The following DSCC1 variants were observed in gnomAD, a reference collection of about 807,000 sequenced individuals.
DSCC1 encodes DNA replication and sister chromatid cohesion 1.
DSCC1 carries 32 observed loss-of-function variants against 48.2 expected under a neutral mutation model. The observed-to-expected ratio is 0.66, with a 90% confidence interval of 0.50 to 0.89. DSCC1 has a LOEUF of 0.89. Ranked by LOEUF, DSCC1 falls within the 40% of genes least tolerant of loss-of-function variation. DSCC1 has a pLI of 0.00. For missense variants in DSCC1, 421 were observed against 471.7 expected (o/e 0.89, Z 1.00); for synonymous variants, 150 against 171.5 (o/e 0.87, Z 0.98).
At chr8:119,853,483 C>T (rs1826971426) in intron 1 of DSCC1, among the ~76,000 whole-genome samples, 1 of 152,228 alleles carries the variant, frequency 6.6e-6, no homozygotes, top group African/African-American at 2.4e-5. Flanking sequence ...CCAAATGGCA[C>T]TACATGGCAT....
chr8:119,855,497 T>A (rs1827003376), intron 1 of DSCC1, 117 bp downstream of exon 1: 2 of 1,366,402 alleles, frequency 1.5e-6, no homozygotes, highest in East Asian at 5.7e-5. Context: ...CAGCTTGCTA[T>A]GAGCCCCCGG....
At chr8:119,854,133 C>A (rs1277783433) in intron 1 of DSCC1, among the ~76,000 whole-genome samples, 2 of 152,086 alleles carry the variant, frequency 1.3e-5, no homozygotes, top group African/African-American at 4.8e-5. Context: ...GATCGCCTGA[C>A]CCCAAGTAGT....
chr8:119,845,405 T>C (rs1826841715), intron 4 of DSCC1, among the ~76,000 whole-genome samples: 1 of 152,092 alleles, frequency 6.6e-6, no homozygotes, highest in African/African-American at 2.4e-5. Flanking sequence ...ATTTTATAAT[T>C]GATGGCACGA....
At chr8:119,846,210 T>C (rs779925974) in intron 4 of DSCC1, among the ~76,000 whole-genome samples, 19 of 151,838 alleles carry the variant, frequency 1.3e-4, no homozygotes, top group Non-Finnish European at 2.6e-4. Context: ...GCCTTCCAGT[T>C]TCAAGGGATT....
At chr8:119,852,930 A>G in intron 2 of DSCC1, 117 bp downstream of exon 2, 2 of 914,206 alleles carry the variant, frequency 2.2e-6, no homozygotes, top group Non-Finnish European at 3.0e-6. Context: ...TCTTTAAAGA[A>G]CTTCTTAGAT....
Position 119,850,405 on chromosome 8 carries a change from C to G in DSCC1, c.463G>C (p.Glu155Gln). Reference protein sequence around the residue: ...NPYEGPDSQKEKDSNSSKYTT... With the variant: ...NPYEGPDSQKQKDSNSSKYTT... Reference sequence around the variant, plus strand: ...ACTTTTGAGCTATTTGAATCCTTCTCTTTTTGACTGTCAGGTCCTTCATAT... The same window carrying G: ...ACTTTTGAGCTATTTGAATCCTTCTGTTTTTGACTGTCAGGTCCTTCATAT... The change falls in exon 3 of 9, where the codon GAG (glutamate) becomes CAG (glutamine). Residue 155 changes from glutamate (E) to glutamine (Q), a missense_variant. Transcript: ENST00000313655. 6.3e-7 allele frequency: 1 copy of G among 1,592,030 alleles called. No homozygotes were observed.
At chr8:119,853,341 C>G (rs1826969305) in intron 1 of DSCC1, 126 bp from the exon 2 acceptor site, 3 of 1,014,936 alleles carry the variant, frequency 3.0e-6, no homozygotes, top group African/African-American at 3.2e-5. Context: ...GCCTCTGCCC[C>G]CTGCTAGCAC....
chr8:119,843,686 A>G lies in DSCC1; in HGVS notation c.639T>C (p.Leu213=). The G allele has an allele frequency of 6.2e-7, 1 of 1,614,112 alleles. No individual in the cohort carries two copies. Among genetic ancestry groups the G allele is most frequent in the South Asian group, 1.1e-5 (1 of 91,062 alleles). Residue 213 remains leucine, a synonymous_variant, in exon 5 of 9, where the codon CTT becomes CTC. Transcript: ENST00000313655. ...EMKLLNHVTQ[L]VDSESWSFGK... ...CAAAAGACCATGATTCAGAATCCAC[A>G]AGCTGAGTTACATGATTCAGAAGTT...
intron 8 of DSCC1, 87 bp from the exon 9 acceptor site, chr8:119,835,088 C>T (rs2131288644): frequency 1.1e-6 from 1 of 873,196 alleles, no homozygotes; most frequent in Non-Finnish European, 1.7e-6. Context: ...CTCTCTCTCC[C>T]CCTGAATCTG....
At position 119,834,884 on chromosome 8, in the gene DSCC1, G is replaced by A. The variant is rs372987598; in HGVS notation, c.*9C>T. 74 of 1,547,850 alleles carry A rather than the reference G, an allele frequency of 4.8e-5. 1 individual carries two copies. Among genetic ancestry groups the A allele is most frequent in the East Asian group, 1.8e-4 (8 of 44,326 alleles). On this transcript the variant is annotated 3_prime_UTR_variant, in exon 9 of 9. Transcript: ENST00000313655. ...CAACTTGAGTCCTGAAGAAAAGACC[G>A]TTGTTCTTTTAAGAAATGGGTCTTC...
At chr8:119,843,238 G>A (rs572695074) in intron 5 of DSCC1, among the ~76,000 whole-genome samples, 13 of 151,322 alleles carry the variant, frequency 8.6e-5, no homozygotes, top group African/African-American at 2.4e-4. Flanking sequence ...ACAGGCACAC[G>A]GCACCACGCC....
Position 119,838,360 on chromosome 8 carries a change from C to G in DSCC1, c.972G>C (p.Leu324Phe), listed in dbSNP as rs973034387. 6.2e-7 allele frequency: 1 copy of G among 1,608,718 alleles called. No homozygotes were observed. The highest frequency in any genetic ancestry group is 8.5e-7 in the Non-Finnish European group (1 of 1,178,036). ...DRHSRPEIIF[L>F]LKVDDLPEDN... The stretch of plus-strand genomic sequence containing the variant: ...CCTCAGGTAAATCATCTACTTTCAG[C>G]AAAAATATGATTTCTGGTCTCGAGT... Residue 324 changes from leucine to phenylalanine, a missense_variant, in exon 8 of 9, where the codon TTG becomes TTC. This residue lies in a region of DSCC1 where 238 missense variants were observed against 259.0 expected (regional missense o/e 0.92). Coordinates refer to ENST00000313655, the MANE Select transcript of DSCC1 (RefSeq NM_024094.3).
intron 4 of DSCC1, among the ~76,000 whole-genome samples, chr8:119,845,457 A>G (rs2131302700): frequency 6.6e-6 from 1 of 152,292 alleles, no homozygotes; most frequent in Admixed American, 6.5e-5. Context: ...CACCATTTCT[A>G]AAGGAGAATG....
chr8:119,842,811 C>T lies in DSCC1; in HGVS notation c.734G>A (p.Cys245Tyr). Residue 245 changes from cysteine to tyrosine, a missense_variant, in exon 6 of 9, where the codon TGT becomes TAT. By Grantham distance (194) the Cys-to-Tyr change is radical. Transcript: ENST00000313655. ...PLEPEEMIEH[C>Y]LKCYGKKYVD... The stretch of plus-strand genomic sequence containing the variant: ...ATATTTCTTCCCATAACATTTAAGA[C>T]AGTGTTCTATCATTTCCCTGAAAAA... 2 of 1,599,818 alleles carry T rather than the reference C, an allele frequency of 1.3e-6. No homozygotes were observed. Among genetic ancestry groups the T allele is most frequent in the Non-Finnish European group, 1.7e-6 (2 of 1,174,948 alleles).
chr8:119,837,059 G>T (rs1826695929), intron 8 of DSCC1, among the ~76,000 whole-genome samples: 1 of 152,194 alleles, frequency 6.6e-6, no homozygotes, highest in African/African-American at 2.4e-5. Flanking sequence ...GAAAGAATGG[G>T]AGGTGAAAAG....
In DSCC1 at chr8:119,834,871, T is replaced by C. The variant is rs375943100; in HGVS notation, c.*22A>G. 2 of 1,502,666 alleles carry C rather than the reference T, an allele frequency of 1.3e-6. No individual in the cohort carries two copies. Among genetic ancestry groups the C allele is most frequent in the African/African-American group, 1.4e-5 (1 of 72,058 alleles). The allele number at this position is 1,502,666 out of a possible 1,614,324, so 93.1% of individuals were successfully genotyped here. On this transcript the variant is annotated 3_prime_UTR_variant, in exon 9 of 9. Coordinates refer to ENST00000313655, the MANE Select transcript of DSCC1 (RefSeq NM_024094.3). ...CAACTTTATAAAGCAACTTGAGTCC[T>C]GAAGAAAAGACCGTTGTTCTTTTAA...
At chr8:119,845,477 T>G (rs554630281) in intron 4 of DSCC1, among the ~76,000 whole-genome samples, 2 of 152,260 alleles carry the variant, frequency 1.3e-5, no homozygotes, top group African/African-American at 4.8e-5. Context: ...GTTTCTATTC[T>G]TACTCTGAAA....
chr8:119,848,203 T>A (rs1287947454), intron 3 of DSCC1, among the ~76,000 whole-genome samples: 1 of 152,096 alleles, frequency 6.6e-6, no homozygotes, highest in South Asian at 2.1e-4. Context: ...ACTGAAGCAA[T>A]CCTCCTACCC....
At position 119,834,017 on chromosome 8, in the gene DSCC1, G is replaced by A. The variant is rs918845274; in HGVS notation, c.*876C>T. On this transcript the variant is annotated 3_prime_UTR_variant, in exon 9 of 9. Transcript: ENST00000313655. Reference sequence around the variant, plus strand: ...TATTGAAAGACATTTCGAAGCCATCGTGTTTGTATTTCATGTTCATGACAA... The same window carrying A: ...TATTGAAAGACATTTCGAAGCCATCATGTTTGTATTTCATGTTCATGACAA... 1 of 152,154 alleles carries A rather than the reference G, an allele frequency of 6.6e-6. No individual in the cohort carries two copies. Among genetic ancestry groups the A allele is most frequent in the Admixed American group, 6.5e-5 (1 of 15,282 alleles). 9.4% of individuals were successfully genotyped at this position (152,154 alleles called of 1,614,324 possible).
Sources: allele counts gnomAD v4.1 joint callset (sites outside exome capture counted in the v4.1 genomes callset), GRCh38; gene constraint gnomAD v4.1.1; regional missense constraint gnomAD v4.1.1; transcripts MANE v1.5; gene names NCBI Gene and HGNC (gene_info 2026-07-23, HGNC 2026-07-21).